PCDH7: variants seen among roughly 807,000 people sequenced by gnomAD.
PCDH7 encodes protocadherin 7.
PCDH7 carries 17 observed loss-of-function variants against 58.9 expected under a neutral mutation model. That is an observed-to-expected ratio of 0.29 (90% confidence interval 0.20 to 0.43). PCDH7 has a LOEUF of 0.43. Ranked by LOEUF, PCDH7 falls within the 20% of genes least tolerant of loss-of-function variation. The pLI is 1.00. For synonymous variants in PCDH7, 664 were observed against 616.4 expected, an observed-to-expected ratio of 1.08 and a Z score of -1.14; for missense variants, 1,274 against 1,441.0, an observed-to-expected ratio of 0.88 and a Z score of 1.88.
At chr4:30,767,149 A>C (rs1720861451) in intron 1 of PCDH7, among the ~76,000 whole-genome samples, 1 of 152,292 alleles carries the variant, frequency 6.6e-6, no homozygotes, top group Admixed American at 6.5e-5. Flanking sequence ...AAGTCTTAGT[A>C]TCTTTTCTCT....
chr4:31,121,075 C>T (rs192305037), intron 3 of PCDH7, among the ~76,000 whole-genome samples: 3 of 152,184 alleles, frequency 2.0e-5, no homozygotes, highest in African/African-American at 4.8e-5. Context: ...TCTTAATTAA[C>T]GCTGGTGTGC....
At chr4:30,925,448 A>G (rs1040120623) in intron 2 of PCDH7, among the ~76,000 whole-genome samples, 2 of 152,180 alleles carry the variant, frequency 1.3e-5, no homozygotes, top group South Asian at 2.1e-4. Context: ...TGCCTCTTCC[A>G]TCTTTCCAAA....
Position 31,035,247 on chromosome 4 carries a change from CTTTTTTTT to C in PCDH7, c.*7+85049_*7+85056del, listed in dbSNP as rs35099580. ...ATCTATGTTTTTTTTCCTTTTTTCC[CTTTTTTTT>C]TTTTTTTTTTTTTTTTGAGACGGAG... is the stretch of plus-strand genomic sequence containing the variant. On this transcript the variant is annotated intron_variant, in intron 3 of 3. Transcript: ENST00000509759. Among the ~76,000 whole-genome samples the C allele has an allele frequency of 7.8e-3, 776 of 99,416 alleles. 3 individuals carry two copies. The highest frequency in any genetic ancestry group is 0.028 in the Middle Eastern group (3 of 108). The allele number at this position is 99,416 out of a possible 152,430, so 65.2% of individuals were successfully genotyped here.
chr4:30,981,711 C>T (rs1261226125), intron 3 of PCDH7, among the ~76,000 whole-genome samples: 1 of 152,146 alleles, frequency 6.6e-6, no homozygotes, highest in Non-Finnish European at 1.5e-5. Flanking sequence ...TTTTCACTCT[C>T]CTTAACCTTC....
intron 3 of PCDH7, among the ~76,000 whole-genome samples, chr4:31,050,788 A>G (rs1756671761): frequency 1.3e-5 from 2 of 152,204 alleles, no homozygotes; most frequent in Non-Finnish European, 2.9e-5. Context: ...AGGATACTTT[A>G]GAATTCACAG....
chr4:30,737,303 C>T (rs556742861), downstream of PCDH7, among the ~76,000 whole-genome samples: 1 of 152,288 alleles, frequency 6.6e-6, no homozygotes, highest in East Asian at 1.9e-4. Context: ...CTATGAATTT[C>T]TCTAACCTCT....
chr4:30,909,303 T>C (rs1741411574), intron 1 of PCDH7, among the ~76,000 whole-genome samples: 1 of 152,196 alleles, frequency 6.6e-6, no homozygotes, highest in African/African-American at 2.4e-5. Flanking sequence ...CCATTCCTAT[T>C]CAACATAGAA....
Position 30,723,565 on chromosome 4 carries a change from G to T in PCDH7, c.2143G>T (p.Val715Leu). 6.2e-7 allele frequency: 1 copy of T among 1,614,194 alleles called. No homozygotes were observed. The highest frequency in any genetic ancestry group is 8.5e-7 in the Non-Finnish European group (1 of 1,180,028). The change falls in exon 1 of 2, where the codon GTG becomes TTG. Residue 715 changes from valine to leucine, a missense_variant. Around this residue, in one of 3 missense-constraint regions of PCDH7, gnomAD observed 731 missense variants for 881.9 expected, o/e 0.83. Transcript: ENST00000361762. This position sits in a 1 kb window ranked among gnomAD's most constrained non-coding sequence, Gnocchi z 4.6. Reference sequence around the variant, plus strand: ...CACATACACTTTCAGAGTCAAGGCTGTGGATGGGGGAGATCCTCCCAGATC... The same window carrying T: ...CACATACACTTTCAGAGTCAAGGCTTTGGATGGGGGAGATCCTCCCAGATC...
rs572838689 is a variant in PCDH7, at chr4:30,824,912, C to T, written c.71-95241C>T. On this transcript the variant is annotated intron_variant, in intron 1 of 3. Transcript: ENST00000509759. Reference sequence around the variant, plus strand: ...TTTGGGAAGACAAAATTCAGTGGCACAGAGGCTGGAGTGGGGCTTAGGAGA... The same window carrying T: ...TTTGGGAAGACAAAATTCAGTGGCATAGAGGCTGGAGTGGGGCTTAGGAGA... 3.9e-5 allele frequency among the ~76,000 whole-genome samples: 6 copies of T among 152,152 alleles called. No homozygotes were observed. In the South Asian group the frequency reaches 8.3e-4, roughly 21 times the overall value.
intron 1 of PCDH7, among the ~76,000 whole-genome samples, chr4:30,785,209 G>T (rs1723242527): frequency 6.6e-6 from 1 of 151,936 alleles, no homozygotes; most frequent in African/African-American, 2.4e-5. Context: ...AATCTAATGT[G>T]GTCCTGGTAT....
Position 30,750,530 on chromosome 4 carries a change from G to A in PCDH7, c.70+25934G>A, listed in dbSNP as rs111751509. On this transcript the variant is annotated intron_variant, in intron 1 of 3. Coordinates refer to the PCDH7 transcript ENST00000509759. The stretch of plus-strand genomic sequence containing the variant: ...TCTGTGAGGAAATGATGTCTGTGGC[G>A]AGGTTCATCTATACGCAGAGGGAAA... 1.4e-4 allele frequency among the ~76,000 whole-genome samples: 22 copies of A among 152,232 alleles called. 1 individual carries two copies. The highest frequency in any genetic ancestry group is 3.9e-4 in the African/African-American group (16 of 41,552).
At chr4:30,913,239 T>C (rs1255009255) in intron 1 of PCDH7, among the ~76,000 whole-genome samples, 3 of 151,964 alleles carry the variant, frequency 2.0e-5, no homozygotes, top group African/African-American at 4.8e-5. Context: ...GTGCAGATTA[T>C]AAGTAGTAAA....
intron 3 of PCDH7, among the ~76,000 whole-genome samples, chr4:30,959,502 G>A (rs147399685): frequency 1.0e-3 from 159 of 152,124 alleles, no homozygotes; most frequent in African/African-American, 3.5e-3. Flanking sequence ...AGTAAAACAT[G>A]AACTATTATT....
intron 1 of PCDH7, among the ~76,000 whole-genome samples, chr4:30,837,555 GA>G (rs574126547): frequency 6.0e-5 from 9 of 148,854 alleles, no homozygotes; most frequent in African/African-American, 1.5e-4. Context: ...AGAAAATAGA[GA>G]AAAAAAAACG....
At chr4:30,906,112 G>T (rs149024633) in intron 1 of PCDH7, among the ~76,000 whole-genome samples, 4 of 152,144 alleles carry the variant, frequency 2.6e-5, no homozygotes, top group African/African-American at 9.6e-5. Context: ...TGCATATTTT[G>T]TGATATTCCA....
chr4:30,835,328 C>T (rs935767055), intron 1 of PCDH7, among the ~76,000 whole-genome samples: 1 of 151,854 alleles, frequency 6.6e-6, no homozygotes, highest in African/African-American at 2.4e-5. Context: ...CTGTCTCCTG[C>T]CAGACGAGCG....
At chr4:30,917,850 A>C (rs2109412335) in intron 1 of PCDH7, among the ~76,000 whole-genome samples, 1 of 152,268 alleles carries the variant, frequency 6.6e-6, no homozygotes, top group South Asian at 2.1e-4. Context: ...ATAAACATTT[A>C]AGCACAGATT....
chr4:30,778,960 A>C (rs931919538), intron 1 of PCDH7, among the ~76,000 whole-genome samples: 31 of 150,754 alleles, frequency 2.1e-4, no homozygotes, highest in Non-Finnish European at 4.1e-4. Flanking sequence ...CTAGTAAAGT[A>C]AATAATCTGG....
At chr4:30,969,344 T>C (rs1449731267) in intron 3 of PCDH7, among the ~76,000 whole-genome samples, 1 of 152,168 alleles carries the variant, frequency 6.6e-6, no homozygotes, top group Non-Finnish European at 1.5e-5. Context: ...AGAAAGAAGC[T>C]TGATTTTGTC....
Sources: gnomAD v4.1 joint callset for allele counts (sites outside exome capture counted in the v4.1 genomes callset) on GRCh38, gnomAD v4.1.1 for gene constraint, gnomAD v4.1.1 regional missense constraint, Gnocchi (gnomAD v3.1) non-coding constraint, MANE v1.5 for transcripts, NCBI Gene and HGNC (gene_info 2026-07-23, HGNC 2026-07-21) for gene names.